Variants in ZAN observed in about 807,000 individuals in gnomAD.
The protein encoded by ZAN is zonadhesin, also known as zonadhesin (gene/pseudogene).
In ZAN, 260 loss-of-function variants were observed where a neutral mutation model predicts 286.2. The observed-to-expected ratio is 0.91, with a 90% CI of 0.82 to 1.01. The LOEUF (loss-of-function observed/expected upper bound fraction) is 1.01, where lower values mean the gene tolerates loss of function less well. Ranked by LOEUF, ZAN falls within the 50% of genes least tolerant of loss-of-function variation. The probability of loss-of-function intolerance (pLI) is 0.00; values close to 1 mark genes in which losing one functional copy is unlikely to be tolerated. For synonymous variants in ZAN, 1,368 were observed against 1,417.5 expected, an observed-to-expected ratio of 0.97 and a Z score of 0.79; for missense variants, 3,410 against 3,639.2, an observed-to-expected ratio of 0.94 and a Z score of 1.62.
chr7:100,776,058 A>G (rs1270881221), intron 33 of ZAN, among the ~76,000 whole-genome samples: 1 of 152,032 alleles, frequency 6.6e-6, no homozygotes, highest in Non-Finnish European at 1.5e-5. Flanking sequence ...TCATGCCTGT[A>G]ATCTCAGCAC....
Position 100,784,790 on chromosome 7 carries a change from A to C in ZAN, c.6790A>C (p.Arg2264=). ...YVLSEDKCVP[R]SQCGCKDAHG... ...GCTGAGTGAAGACAAGTGTGTCCCCAGAAGTCAGTGTGGCTGCAAGGATGC... is the reference window on the plus strand; with the variant it reads ...GCTGAGTGAAGACAAGTGTGTCCCCCGAAGTCAGTGTGGCTGCAAGGATGC... Residue 2264 remains arginine (R), a synonymous_variant, in exon 36 of 48, where the codon AGA becomes CGA. Coordinates refer to ENST00000613979, the MANE Select transcript of ZAN (RefSeq NM_003386.3). 6.2e-7 allele frequency: 1 copy of C among 1,611,496 alleles called. No individual in the cohort carries two copies. The highest frequency in any genetic ancestry group is 8.5e-7 in the Non-Finnish European group (1 of 1,178,222).
Position 100,772,001 on chromosome 7 carries a change from G to C in ZAN, c.5406G>C (p.Trp1802Cys). The change falls in exon 29 of 48, where the codon TGG (tryptophan) becomes TGC (cysteine). Residue 1802 changes from tryptophan to cysteine, a missense_variant. By Grantham distance (215) the Trp-to-Cys change is radical (BLOSUM62 -2). This residue lies in a region of ZAN where 1,289 missense variants were observed against 1,314.3 expected (regional missense o/e 0.98). Transcript: ENST00000613979. ...LCAQAGQAPA[W>C]RNRTFCPMRC... is the part of the protein sequence containing the mutation. ...CCCAGGCTGGCCAGGCCCCTGCCTG[G>C]CGGAACAGAACCTTCTGCCGTGAGT... 6.2e-7 allele frequency: 1 copy of C among 1,604,054 alleles called. No homozygotes were observed. The highest frequency in any genetic ancestry group is 8.5e-7 in the Non-Finnish European group (1 of 1,177,904).
rs560276376 is a variant in ZAN, at chr7:100,740,096, G to A, written c.766+1483G>A. ...GCTGTGCAAAGGTCCTGAGGTAGCA[G>A]TGGGGCTGTCGGGGAAGGAGGGGAT... On this transcript the variant is annotated intron_variant, in intron 7 of 47. Transcript: ENST00000613979. 4.3e-5 allele frequency among the ~76,000 whole-genome samples: 6 copies of A among 140,956 alleles called. No homozygotes were observed. In the South Asian group the frequency reaches 8.8e-4, roughly 21 times the overall value. The allele number at this position is 140,956 out of a possible 152,430, so 92.5% of individuals were successfully genotyped here. A position where few individuals can be genotyped will look rare whatever the true frequency, so the allele number is the denominator to read the frequency against.
chr7:100,746,466 T>C (rs985201833), intron 7 of ZAN, 72 bp from the exon 8 acceptor site: 51 of 1,562,740 alleles, frequency 3.3e-5, no homozygotes, highest in Non-Finnish European at 4.3e-5. Context: ...CACAGCCTCC[T>C]CAGGGCCCTA....
Position 100,758,662 on chromosome 7 carries a change from A to G in ZAN, c.3571+12A>G. On this transcript the variant is annotated intron_variant, in intron 17 of 47. Transcript: ENST00000613979. ...TGGCAACTCAACAGGTAGGCCCTGG[A>G]GATGCCACTGCGGCCTGGGGGGAGG... The G allele has an allele frequency of 6.4e-7, 1 of 1,551,156 alleles. No individual in the cohort carries two copies. Among genetic ancestry groups the G allele is most frequent in the Non-Finnish European group, 8.7e-7 (1 of 1,147,116 alleles).
Position 100,738,871 on chromosome 7 carries a change from T to TTCTCCTTCTCCTTCTCCTTCTC in ZAN, c.766+258_766+259insTCTCCTTCTCCTTCTCCTTCTC, listed in dbSNP as rs1807500066. ...TTCTTCTTCTTTCTCTTCCTCTTCTTCTTCTCCCTCTCCCTCTCCCTCTCC... is the reference window on the plus strand; with the variant it reads ...TTCTTCTTCTTTCTCTTCCTCTTCTTTCTCCTTCTCCTTCTCCTTCTCCTTCTCCCTCTCCCTCTCCCTCTCC... On this transcript the variant is annotated intron_variant, in intron 7 of 47. Coordinates refer to ENST00000613979, the MANE Select transcript of ZAN (RefSeq NM_003386.3). Among the ~76,000 whole-genome samples, 3 of 23,704 alleles carry TTCTCCTTCTCCTTCTCCTTCTC rather than the reference T, an allele frequency of 1.3e-4. 1 individual carries two copies. The highest frequency in any genetic ancestry group is 2.7e-4 in the African/African-American group (2 of 7,476). The allele number at this position is 23,704 out of a possible 152,430, so 15.6% of individuals were successfully genotyped here.
rs1487327308 is a variant in ZAN at position 100,762,082 on chromosome 7, T to A, written c.3843-133T>A. On this transcript the variant is annotated intron_variant, in intron 19 of 47. Transcript: ENST00000613979. ...GGGGGAGGGCCATGGGGTCCTCTTG[T>A]CCAGTCCGCACCTCTTCATCCTCCT... The A allele has an allele frequency of 1.2e-5, 13 of 1,124,696 alleles. No individual in the cohort carries two copies. In the East Asian group the frequency reaches 3.4e-4, roughly 30 times the overall value. 69.7% of individuals were successfully genotyped at this position (1,124,696 alleles called of 1,614,324 possible).
chr7:100,765,334 A>G lies in ZAN; in HGVS notation c.4268-18A>G. On this transcript the variant is annotated intron_variant, in intron 22 of 47. Coordinates refer to ENST00000613979, the MANE Select transcript of ZAN (RefSeq NM_003386.3). ...GGCTTGTTCGTCTCCTTCTCACCCA[A>G]GCTTCTCCCTCCACCAGCAATGGCC... is the stretch of plus-strand genomic sequence containing the variant. 1.2e-6 allele frequency: 2 copies of G among 1,612,596 alleles called. No individual in the cohort carries two copies.
chr7:100,749,373 GC>G (rs1405150227), intron 11 of ZAN, among the ~76,000 whole-genome samples: 2 of 151,932 alleles, frequency 1.3e-5, no homozygotes, highest in Non-Finnish European at 2.9e-5. Context: ...GGGCGCAGTG[GC>G]TCACACCTGT....
rs71126336 is a variant in ZAN at position 100,776,643 on chromosome 7, TCCCTCCCCTC to T, written c.6317+94_6317+103del. 463 of 749,394 alleles carry T rather than the reference TCCCTCCCCTC, an allele frequency of 6.2e-4. 2 individuals are homozygous for T. Among genetic ancestry groups the T allele is most frequent in the Non-Finnish European group, 7.8e-4 (421 of 540,454 alleles). The allele number at this position is 749,394 out of a possible 1,614,324, so 46.4% of individuals were successfully genotyped here. On this transcript the variant is annotated intron_variant, in intron 34 of 47. Transcript: ENST00000613979. Reference sequence around the variant, plus strand: ...TCTTTCTTTCTGCCTTCCCTTCCCTTCCCTCCCCTCCCCTCCCCTCCCCTTCCTTCCTTTC... The same window carrying T: ...TCTTTCTTTCTGCCTTCCCTTCCCTTCCCTCCCCTCCCCTTCCTTCCTTTC...
chr7:100,767,350 G>T (rs1044902895), intron 25 of ZAN, 93 bp downstream of exon 25: 1 of 1,514,914 alleles, frequency 6.6e-7, no homozygotes, highest in African/African-American at 1.4e-5. Context: ...CACCTCTCTG[G>T]CTCCTTAGAG....
intron 34 of ZAN, among the ~76,000 whole-genome samples, chr7:100,777,838 C>A (rs992199480): frequency 1.3e-5 from 2 of 151,834 alleles, no homozygotes; most frequent in African/African-American, 2.4e-5. Context: ...ATGATCCTCC[C>A]GCCTCGGCCC....
At chr7:100,772,379 G>A (rs1265443242) in intron 29 of ZAN, among the ~76,000 whole-genome samples, 2 of 148,816 alleles carry the variant, frequency 1.3e-5, no homozygotes, top group African/African-American at 2.5e-5. Flanking sequence ...GCAGTGAGCC[G>A]AGATCACACC....
intron 27 of ZAN, among the ~76,000 whole-genome samples, chr7:100,769,139 G>A (rs1317636682): frequency 6.6e-6 from 1 of 152,088 alleles, no homozygotes; most frequent in Non-Finnish European, 1.5e-5. Flanking sequence ...TGTCACCCAG[G>A]CTGGAGTGCA....
chr7:100,786,345 C>T (rs1485306870), intron 37 of ZAN, among the ~76,000 whole-genome samples: 1 of 152,210 alleles, frequency 6.6e-6, no homozygotes, highest in Non-Finnish European at 1.5e-5. Context: ...CCCTCTGGGA[C>T]CCTCCACCTG....
intron 25 of ZAN, among the ~76,000 whole-genome samples, chr7:100,767,615 A>G (rs923820234): frequency 6.6e-6 from 1 of 150,608 alleles, no homozygotes; most frequent in Non-Finnish European, 1.5e-5. Flanking sequence ...AGCTGCAACT[A>G]TAGGCATGCA....
In ZAN at chr7:100,752,834, C is replaced by G. The variant is rs755335749; in HGVS notation, c.2729C>G (p.Pro910Arg). The change falls in exon 14 of 48, where the codon CCA becomes CGA. Residue 910 changes from proline to arginine, a missense_variant. Pro to Arg is a moderately radical substitution (Grantham distance 103). Around this residue, in one of 7 missense-constraint regions of ZAN, gnomAD observed 51 missense variants for 105.2 expected, o/e 0.48. Coordinates refer to ENST00000613979, the MANE Select transcript of ZAN (RefSeq NM_003386.3). The stretch of plus-strand genomic sequence containing the variant: ...CCCACAGAAAAACCCACCATCTCCC[C>G]AGAAAAACCCACCATCTCCACGGAA... ...TIPTEKPTIS[P>R]EKPTISTEKP... The G allele has an allele frequency of 1.2e-6, 2 of 1,602,152 alleles. No individual in the cohort carries two copies. Among genetic ancestry groups the G allele is most frequent in the East Asian group, 4.5e-5 (2 of 44,322 alleles).
chr7:100,751,368 ATTC>A lies in ZAN; in HGVS notation c.1606+104_1606+106del, dbSNP rs142843115. ...AATGTGAGTCCTCCCTGGAGCCCGA[ATTC>A]TCACCCAGCTGGCTTTGTTTTCCAT... On this transcript the variant is annotated intron_variant, in intron 13 of 47. Transcript: ENST00000613979. 908 of 796,270 alleles carry A rather than the reference ATTC, an allele frequency of 1.1e-3. 6 individuals carry two copies. The highest frequency in any genetic ancestry group is 3.6e-3 in the Middle Eastern group (9 of 2,480). 49.3% of individuals were successfully genotyped at this position (796,270 alleles called of 1,614,324 possible).
chr7:100,738,712 A>G lies in ZAN; in HGVS notation c.766+99A>G, dbSNP rs373927197. ...TCTGTCATGAACACCTACAGCTTCA[A>G]GCCTCTTACCAGCTCAAGTTTCACG... On this transcript the variant is annotated intron_variant, in intron 7 of 47. Transcript: ENST00000613979. 4.2e-4 allele frequency: 533 copies of G among 1,258,448 alleles called. 57 individuals carry two copies. The East Asian group carries it at 0.011, about 27-fold the overall frequency. The allele number at this position is 1,258,448 out of a possible 1,614,324, so 78.0% of individuals were successfully genotyped here.
Sources: allele counts gnomAD v4.1 joint callset (sites outside exome capture counted in the v4.1 genomes callset), GRCh38; gene constraint gnomAD v4.1.1; regional missense constraint gnomAD v4.1.1; transcripts MANE v1.5; gene names NCBI Gene and HGNC (gene_info 2026-07-23, HGNC 2026-07-21).